TAPT1: variants seen among roughly 807,000 people sequenced by gnomAD.
TAPT1 encodes transmembrane anterior posterior transformation protein 1 homolog.
Under a neutral mutation model 65.6 loss-of-function variants are expected in TAPT1, and 28 were observed. That is an observed-to-expected ratio of 0.43 (90% CI 0.32 to 0.59). The LOEUF is 0.59. Ranked by LOEUF, TAPT1 falls within the 20% of genes least tolerant of loss-of-function variation. The probability of loss-of-function intolerance (pLI) is 0.09; values close to 1 mark genes in which losing one functional copy is unlikely to be tolerated. For missense variants in TAPT1, 563 were observed against 679.9 expected (o/e 0.83, Z 1.91); for synonymous variants, 278 against 245.2 (o/e 1.13, Z -1.25).
At chr4:16,185,143 G>C (rs1160584544) in intron 7 of TAPT1, among the ~76,000 whole-genome samples, 1 of 151,884 alleles carries the variant, frequency 6.6e-6, no homozygotes, top group Admixed American at 6.6e-5. Flanking sequence ...TCTTGGGCAG[G>C]GAAGGGGCCA....
chr4:16,227,158 C>G (rs1200902883), upstream of TAPT1: 1 of 455,876 alleles, frequency 2.2e-6, no homozygotes, highest in Non-Finnish European at 4.4e-6. Context: ...CAAGAAGGAG[C>G]TTGGGCAGCT....
chr4:16,174,232 C>G lies in TAPT1; in HGVS notation c.1208G>C (p.Gly403Ala). ...DYSDSVARRM[G>A]FIPLPLAVLL... ...AACAGCTAGTGGGAGAGGAATAAAG[C>G]CCATCCTCCGTGCTACAGAGTCACT... The change falls in exon 11 of 14, where the codon GGC becomes GCC. Residue 403 changes from glycine (G) to alanine (A), a missense_variant. Transcript: ENST00000405303. 6.2e-7 allele frequency: 1 copy of G among 1,607,820 alleles called. No individual in the cohort carries two copies. The highest frequency in any genetic ancestry group is 8.5e-7 in the Non-Finnish European group (1 of 1,177,090).
intron 12 of TAPT1, among the ~76,000 whole-genome samples, 191 bp downstream of exon 12, chr4:16,170,462 T>C (rs1747920589): frequency 6.6e-6 from 1 of 152,244 alleles, no homozygotes; most frequent in African/African-American, 2.4e-5. Flanking sequence ...AAAGTACTAT[T>C]AATACTACTA....
At chr4:16,200,173 G>A (rs1578458000) in intron 3 of TAPT1, among the ~76,000 whole-genome samples, 1 of 152,276 alleles carries the variant, frequency 6.6e-6, no homozygotes, top group African/African-American at 2.4e-5. Flanking sequence ...ACCACATTGT[G>A]CCAACAGCCA....
At chr4:16,181,111 A>C (rs1306487749) in intron 7 of TAPT1, among the ~76,000 whole-genome samples, 2 of 152,250 alleles carry the variant, frequency 1.3e-5, no homozygotes, top group African/African-American at 4.8e-5. Context: ...AATAAGTTCC[A>C]TCAAAGTCTG....
chr4:16,169,597 C>T lies in TAPT1; in HGVS notation c.1313+1056G>A, dbSNP rs147460767. On this transcript the variant is annotated intron_variant, in intron 12 of 13. Coordinates refer to ENST00000405303, the MANE Select transcript of TAPT1 (RefSeq NM_153365.3). ...TGTACAGTGTGATCAGAACCTCCTC[C>T]TCCTCTGTGAAACACTGAAATTAGC... Among the ~76,000 whole-genome samples, 6 of 152,356 alleles carry T rather than the reference C, an allele frequency of 3.9e-5. No individual in the cohort carries two copies. In the East Asian group the frequency reaches 1.2e-3, roughly 29 times the overall value.
At chr4:16,165,569 C>CAAA (rs75616266) in intron 13 of TAPT1, among the ~76,000 whole-genome samples, 2 of 92,370 alleles carry the variant, frequency 2.2e-5, no homozygotes, top group Non-Finnish European at 2.3e-5. Flanking sequence ...AACTCCGTCT[C>CAAA]AAAAAAAAAA....
chr4:16,205,723 C>T (rs910547417), intron 2 of TAPT1, among the ~76,000 whole-genome samples: 1 of 151,884 alleles, frequency 6.6e-6, no homozygotes, highest in Non-Finnish European at 1.5e-5. Context: ...GACCGAATTT[C>T]AAACCAAGGA....
chr4:16,224,944 T>G (rs965482180), intron 1 of TAPT1, among the ~76,000 whole-genome samples: 1 of 152,246 alleles, frequency 6.6e-6, no homozygotes, highest in African/African-American at 2.4e-5. Context: ...TAGTGAAGCC[T>G]GGCTACATCT....
chr4:16,174,067 C>A lies in TAPT1; in HGVS notation c.1236+137G>T, dbSNP rs1339246000. On this transcript the variant is annotated intron_variant, in intron 11 of 13. Coordinates refer to ENST00000405303, the MANE Select transcript of TAPT1 (RefSeq NM_153365.3). Reference sequence around the variant, plus strand: ...TATAAGCTACTGCTATAATTTAAAACAAAATTTTCTTCCAAGTTATTTACC... The same window carrying A: ...TATAAGCTACTGCTATAATTTAAAAAAAAATTTTCTTCCAAGTTATTTACC... 23 of 721,288 alleles carry A rather than the reference C, an allele frequency of 3.2e-5. No individual in the cohort carries two copies. In the South Asian group the frequency reaches 3.7e-4, roughly 12 times the overall value. The allele number at this position is 721,288 out of a possible 1,614,324, so 44.7% of individuals were successfully genotyped here. A position where few individuals can be genotyped will look rare whatever the true frequency, so the allele number is the denominator to read the frequency against.
At chr4:16,170,617 C>A in intron 12 of TAPT1, 36 bp downstream of exon 12, 1 of 1,502,448 alleles carries the variant, frequency 6.7e-7, no homozygotes, top group African/African-American at 1.4e-5. Flanking sequence ...TTATGCTTTA[C>A]TGTATAGCCA....
In TAPT1 at chr4:16,189,023, T is replaced by G. The variant is rs550067223; in HGVS notation, c.613-668A>C. On this transcript the variant is annotated intron_variant, in intron 4 of 13. Coordinates refer to ENST00000405303, the MANE Select transcript of TAPT1 (RefSeq NM_153365.3). The stretch of plus-strand genomic sequence containing the variant: ...ATTCAAATTTAGGACAAATATATCA[T>G]TTGACCTACTCATATCTAATATTTG... Among the ~76,000 whole-genome samples the G allele has an allele frequency of 1.7e-3, 259 of 152,164 alleles. 1 individual carries two copies. The highest frequency in any genetic ancestry group is 3.2e-3 in the Non-Finnish European group (216 of 68,022).
intron 7 of TAPT1, among the ~76,000 whole-genome samples, chr4:16,183,824 T>A (rs1052308026): frequency 8.5e-5 from 13 of 152,180 alleles, no homozygotes; most frequent in Non-Finnish European, 1.3e-4. Flanking sequence ...CACTTGGCAG[T>A]CTGCACTTGA....
chr4:16,227,113 C>CT (rs967919597), upstream of TAPT1: 1 of 455,458 alleles, frequency 2.2e-6, no homozygotes, highest in African/African-American at 2.0e-5. Flanking sequence ...TCCCTGGCCT[C>CT]TGAGTGTCCT....
At position 16,204,661 on chromosome 4, in the gene TAPT1, G is replaced by A. The variant is rs115145853; in HGVS notation, c.331-2081C>T. 4.7e-3 allele frequency among the ~76,000 whole-genome samples: 717 copies of A among 152,356 alleles called. 7 individuals carry two copies. Among genetic ancestry groups the A allele is most frequent in the African/African-American group, 0.017 (688 of 41,586 alleles). On this transcript the variant is annotated intron_variant, in intron 2 of 13. Coordinates refer to ENST00000405303, the MANE Select transcript of TAPT1 (RefSeq NM_153365.3). ...GTTCTGGGCAACGCAACCGGGCACT[G>A]GCCAGGTGCTGGGCTTGGGCCCTGC...
intron 8 of TAPT1, chr4:16,176,838 T>G (rs1235029232): frequency 6.6e-6 from 1 of 152,260 alleles, no homozygotes; most frequent in Non-Finnish European, 1.5e-5. Flanking sequence ...GATGACTAGA[T>G]TAAGCAGGTT....
chr4:16,217,981 C>T (rs1751037074), intron 1 of TAPT1, among the ~76,000 whole-genome samples: 1 of 152,224 alleles, frequency 6.6e-6, no homozygotes, highest in Non-Finnish European at 1.5e-5. Context: ...ATAAGGAGAT[C>T]CTCATTGTCC....
chr4:16,200,563 C>T (rs757600991), intron 3 of TAPT1, among the ~76,000 whole-genome samples: 15 of 152,246 alleles, frequency 9.9e-5, no homozygotes, highest in East Asian at 1.9e-4. Context: ...TGGCCTCTAG[C>T]GATCCTCCTA....
intron 7 of TAPT1, among the ~76,000 whole-genome samples, chr4:16,183,816 CT>C (rs1173987550): frequency 6.6e-6 from 1 of 152,166 alleles, no homozygotes; most frequent in South Asian, 2.1e-4. Context: ...ATTCATGACA[CT>C]TGGCAGTCTG....
Sources: gnomAD v4.1 joint callset for allele counts (sites outside exome capture counted in the v4.1 genomes callset) on GRCh38, gnomAD v4.1.1 for gene constraint, MANE v1.5 for transcripts, NCBI Gene and HGNC (gene_info 2026-07-23, HGNC 2026-07-21) for gene names.